LRP1B: variants seen among roughly 807,000 people sequenced by gnomAD.
LRP1B encodes low-density lipoprotein receptor-related protein 1B.
Under a neutral mutation model 556.6 loss-of-function variants are expected in LRP1B, and 217 were observed. The observed-to-expected ratio is 0.39, with a 90% CI of 0.35 to 0.44. LRP1B has a LOEUF of 0.44. LRP1B is among the 20% of genes least tolerant of loss of function. The pLI is 1.00. For missense variants in LRP1B, 5,053 were observed against 5,620.8 expected, an observed-to-expected ratio of 0.90 and a Z score of 3.23; for synonymous variants, 2,047 against 1,865.8, an observed-to-expected ratio of 1.10 and a Z score of -2.50.
chr2:140,353,108 C>A (rs13034302), intron 75 of LRP1B, 36 bp from the exon 76 acceptor site: 125,082 of 1,607,232 alleles, frequency 0.078, 5,340 homozygotes, highest in Middle Eastern at 0.1. Context: ...ATCATCATAC[C>A]CTCAATTCAG....
intron 1 of LRP1B, among the ~76,000 whole-genome samples, chr2:141,859,707 A>G (rs1044952355): frequency 6.6e-6 from 1 of 152,226 alleles, no homozygotes; most frequent in African/African-American, 2.4e-5. Context: ...AATAATTACT[A>G]TGATTTGATC....
intron 27 of LRP1B, among the ~76,000 whole-genome samples, chr2:140,855,044 C>T (rs1041309552): frequency 2.6e-5 from 4 of 152,008 alleles, no homozygotes; most frequent in Non-Finnish European, 5.9e-5. Flanking sequence ...AAATATAGAA[C>T]CTTAGAGATA....
intron 83 of LRP1B, among the ~76,000 whole-genome samples, chr2:140,303,035 ATAT>A (rs1329663843): frequency 7.7e-6 from 1 of 129,180 alleles, no homozygotes. Context: ...ATATATATAT[ATAT>A]ATATATATAT....
chr2:141,341,544 C>T (rs1047599018), intron 3 of LRP1B, among the ~76,000 whole-genome samples: 4 of 152,136 alleles, frequency 2.6e-5, no homozygotes, highest in African/African-American at 9.7e-5. Flanking sequence ...CACTTCTCTT[C>T]ATGTTTCAGT....
intron 7 of LRP1B, among the ~76,000 whole-genome samples, chr2:141,104,878 C>A (rs1180721282): frequency 1.3e-5 from 2 of 151,954 alleles, no homozygotes; most frequent in African/African-American, 4.8e-5. Flanking sequence ...AGTCTATGAT[C>A]TTTTCTACTG....
At chr2:141,773,200 T>A (rs150703710) in intron 2 of LRP1B, among the ~76,000 whole-genome samples, 1 of 152,352 alleles carries the variant, frequency 6.6e-6, no homozygotes, top group East Asian at 1.9e-4. Context: ...GGAGATTGCA[T>A]GATTTAGGGC....
At chr2:141,624,036 C>CAAAAAAAAAAAAAAAA in intron 2 of LRP1B, among the ~76,000 whole-genome samples, 89 of 90,668 alleles carry the variant, frequency 9.8e-4, no homozygotes, top group African/African-American at 1.2e-3. Flanking sequence ...AAAAATTAAA[C>CAAAAAAAAAAAAAAAA]AAAAAAAAAA....
intron 6 of LRP1B, among the ~76,000 whole-genome samples, chr2:141,202,112 C>A (rs775480585): frequency 6.6e-6 from 1 of 152,174 alleles, no homozygotes; most frequent in East Asian, 1.9e-4. Context: ...TGCTCTCCCC[C>A]ACACCCATCC....
chr2:141,503,567 C>G (rs987789869), intron 2 of LRP1B, among the ~76,000 whole-genome samples: 4 of 152,020 alleles, frequency 2.6e-5, no homozygotes, highest in African/African-American at 9.7e-5. Flanking sequence ...AAAATACTGG[C>G]TGTATTCATA....
At chr2:140,416,977 C>T (rs1368076353) in intron 66 of LRP1B, among the ~76,000 whole-genome samples, 1 of 152,112 alleles carries the variant, frequency 6.6e-6, no homozygotes, top group African/African-American at 2.4e-5. Flanking sequence ...GCAGAAGACT[C>T]TAGGACTGTC....
chr2:141,214,840 T>C (rs1222251622), intron 6 of LRP1B, among the ~76,000 whole-genome samples: 1 of 152,174 alleles, frequency 6.6e-6, no homozygotes, highest in African/African-American at 2.4e-5. Context: ...TTACACTTTA[T>C]CCAGACACAG....
intron 2 of LRP1B, among the ~76,000 whole-genome samples, chr2:141,557,708 T>C (rs1054870395): frequency 6.6e-6 from 1 of 151,890 alleles, no homozygotes; most frequent in Non-Finnish European, 1.5e-5. Context: ...GGAATAAACC[T>C]TCCTATTCCC....
intron 2 of LRP1B, among the ~76,000 whole-genome samples, chr2:141,544,328 C>CT (rs1177606911): frequency 5.4e-5 from 2 of 36,956 alleles, no homozygotes; most frequent in Admixed American, 6.9e-4. Flanking sequence ...TCTTCTTCTT[C>CT]TTCTTCTTCT....
chr2:140,702,067 A>C (rs1478665280), intron 39 of LRP1B, 74 bp downstream of exon 39: 4 of 1,519,402 alleles, frequency 2.6e-6, no homozygotes, highest in Middle Eastern at 3.5e-4. Flanking sequence ...AGAAATGGTA[A>C]ATCCTACAAG....
chr2:141,597,974 T>C lies in LRP1B; in HGVS notation c.206-117441A>G, dbSNP rs761479861. Among the ~76,000 whole-genome samples, 184 of 152,182 alleles carry C rather than the reference T, an allele frequency of 1.2e-3. 1 individual carries two copies. Among genetic ancestry groups the C allele is most frequent in the Non-Finnish European group, 2.3e-3 (155 of 67,988 alleles). On this transcript the variant is annotated intron_variant, in intron 2 of 90. Coordinates refer to ENST00000389484, the MANE Select transcript of LRP1B (RefSeq NM_018557.3). ...CTGGGATTCACCCAAAGGAACAGTATTATGCCCAAAAGAAAATGGCCTACA... is the reference window on the plus strand; with the variant it reads ...CTGGGATTCACCCAAAGGAACAGTACTATGCCCAAAAGAAAATGGCCTACA...
intron 41 of LRP1B, among the ~76,000 whole-genome samples, chr2:140,662,005 T>C (rs1033388495): frequency 1.3e-5 from 2 of 152,096 alleles, no homozygotes; most frequent in East Asian, 3.9e-4. Context: ...TAAACTCAAA[T>C]ATCGTGTTAA....
At chr2:141,235,126 G>T (rs886265217) in intron 5 of LRP1B, among the ~76,000 whole-genome samples, 3 of 151,870 alleles carry the variant, frequency 2.0e-5, no homozygotes, top group Non-Finnish European at 4.4e-5. Context: ...AAACGAAAAG[G>T]CATTAAAAAC....
rs1690325393 is a variant in LRP1B, at chr2:140,796,633, T to TCA, written c.5359+17023_5359+17024insTG. On this transcript the variant is annotated intron_variant, in intron 32 of 90. Coordinates refer to ENST00000389484, the MANE Select transcript of LRP1B (RefSeq NM_018557.3). ...AGTGTTATGGCAATTAGAAGACTGA[T>TCA]GGCTTAGAACATTTAGGTAGATGTA... Among the ~76,000 whole-genome samples, 4 of 152,100 alleles carry TCA rather than the reference T, an allele frequency of 2.6e-5. No individual in the cohort carries two copies. In the South Asian group the frequency reaches 8.3e-4, roughly 31 times the overall value.
At chr2:141,426,291 G>C (rs964624277) in intron 3 of LRP1B, among the ~76,000 whole-genome samples, 20 of 151,724 alleles carry the variant, frequency 1.3e-4, no homozygotes, top group African/African-American at 4.8e-4. Context: ...TCTCTGTTTT[G>C]GTACCAGTAC....
Sources: allele counts gnomAD v4.1 joint callset (sites outside exome capture counted in the v4.1 genomes callset), GRCh38; gene constraint gnomAD v4.1.1; transcripts MANE v1.5; gene names NCBI Gene and HGNC (gene_info 2026-07-23, HGNC 2026-07-21).